TK2: variants seen among roughly 807,000 people sequenced by gnomAD.
TK2 encodes the protein thymidine kinase 2, also known as thymidine kinase 2, mitochondrial.
In TK2, 35 loss-of-function variants were observed where a neutral mutation model predicts 41.9. The observed-to-expected ratio is 0.84, with a 90% CI of 0.64 to 1.11. The LOEUF (loss-of-function observed/expected upper bound fraction) is 1.11. Ranked by LOEUF, TK2 falls within the 50% of genes least tolerant of loss-of-function variation. The pLI is 0.00. For synonymous variants in TK2, 128 were observed against 129.1 expected (o/e 0.99, Z 0.06); for missense variants, 320 against 351.1 (o/e 0.91, Z 0.71).
At chr16:66,549,800 C>A (rs757502583) in intron 1 of TK2, 138 bp downstream of exon 1, 14 of 1,287,234 alleles carry the variant, frequency 1.1e-5, no homozygotes, top group South Asian at 2.7e-5. Context: ...TGGCCGCCCC[C>A]GTCCCAGCCG....
intron 2 of TK2, 84 bp from the exon 3 acceptor site, chr16:66,542,037 T>G: frequency 4.2e-6 from 6 of 1,431,208 alleles, no homozygotes; most frequent in Admixed American, 1.7e-5. Context: ...AAAGGGCTCA[T>G]GTAACCAGCA....
chr16:66,521,325 C>T (rs1402171585), intron 6 of TK2, among the ~76,000 whole-genome samples: 1 of 152,214 alleles, frequency 6.6e-6, no homozygotes, highest in Non-Finnish European at 1.5e-5. Flanking sequence ...CCACAGCTCC[C>T]CTGGGAATCG....
intron 6 of TK2, among the ~76,000 whole-genome samples, chr16:66,522,788 C>T (rs965430343): frequency 2.6e-5 from 4 of 152,070 alleles, no homozygotes; most frequent in Non-Finnish European, 4.4e-5. Flanking sequence ...CGCTTGAACC[C>T]GGGAGGTGGA....
chr16:66,546,157 G>C (rs1480632625), intron 2 of TK2, among the ~76,000 whole-genome samples: 6 of 152,146 alleles, frequency 3.9e-5, no homozygotes, highest in Non-Finnish European at 7.3e-5. Context: ...CTGAGACCAG[G>C]AAGTCAAGGC....
intron 6 of TK2, among the ~76,000 whole-genome samples, chr16:66,519,569 G>T (rs1416575812): frequency 1.3e-5 from 2 of 152,198 alleles, no homozygotes; most frequent in African/African-American, 4.8e-5. Flanking sequence ...GAGAAATCTG[G>T]CATCTATTCC....
chr16:66,544,605 C>A (rs1965549632), intron 2 of TK2, among the ~76,000 whole-genome samples: 3 of 152,202 alleles, frequency 2.0e-5, no homozygotes, highest in Admixed American at 2.0e-4. Context: ...GCTGTGGGAG[C>A]ACATGGCCGG....
chr16:66,522,617 A>G (rs974117133), intron 6 of TK2, among the ~76,000 whole-genome samples: 4 of 152,228 alleles, frequency 2.6e-5, no homozygotes, highest in Non-Finnish European at 5.9e-5. Flanking sequence ...CTGTAATCCC[A>G]GCACTTTGGC....
intron 2 of TK2, among the ~76,000 whole-genome samples, chr16:66,546,162 C>G (rs1222905011): frequency 6.6e-6 from 1 of 152,038 alleles, no homozygotes; most frequent in Non-Finnish European, 1.5e-5. Flanking sequence ...ACCAGGAAGT[C>G]AAGGCTGCAG....
At chr16:66,513,837 T>C in intron 8 of TK2, 26 bp from the exon 9 acceptor site, 1 of 1,610,570 alleles carries the variant, frequency 6.2e-7, no homozygotes, top group Non-Finnish European at 8.5e-7. Flanking sequence ...AAGCAGTCTG[T>C]CGGGAGTGGA....
intron 1 of TK2, 59 bp from the exon 2 acceptor site, chr16:66,549,068 A>C (rs760189008): frequency 2.5e-6 from 4 of 1,608,306 alleles, no homozygotes; most frequent in Middle Eastern, 1.7e-4. Flanking sequence ...CCTCTGCCCT[A>C]ATTTGCTACA....
At chr16:66,521,142 G>A (rs769124123) in intron 6 of TK2, among the ~76,000 whole-genome samples, 22 of 152,214 alleles carry the variant, frequency 1.4e-4, no homozygotes, top group Non-Finnish European at 2.8e-4. Flanking sequence ...CCACAGATAT[G>A]ATCATGGAAC....
chr16:66,523,531 TA>T (rs1387203021), intron 6 of TK2, among the ~76,000 whole-genome samples: 1 of 152,190 alleles, frequency 6.6e-6, no homozygotes, highest in Non-Finnish European at 1.5e-5. Flanking sequence ...CCGAAACCTC[TA>T]AAAACATCTA....
Position 66,517,193 on chromosome 16 carries a change from C to T in TK2, c.561G>A (p.Glu187=), listed in dbSNP as rs781460567. ...TCTTCTTTAACCTCTGGTAACAAGTCTCAGGATTGGTCCGAAGGTAAACTG... is the reference window on the plus strand; with the variant it reads ...TCTTCTTTAACCTCTGGTAACAAGTTTCAGGATTGGTCCGAAGGTAAACTG... The part of the protein sequence containing the change: ...DLIVYLRTNP[E]TCYQRLKKRC... Residue 187 remains glutamate, a synonymous_variant, in exon 8 of 10, where the codon GAG becomes GAA. Coordinates refer to ENST00000544898, the MANE Select transcript of TK2 (RefSeq NM_004614.5). This position sits in a 1 kb window ranked among gnomAD's most constrained non-coding sequence, Gnocchi z 4.3. 1 of 1,614,168 alleles carries T rather than the reference C, an allele frequency of 6.2e-7. No homozygotes were observed. The highest frequency in any genetic ancestry group is 2.2e-5 in the East Asian group (1 of 44,882).
intron 6 of TK2, among the ~76,000 whole-genome samples, chr16:66,523,659 T>C (rs1009205936): frequency 1.3e-5 from 2 of 151,974 alleles, no homozygotes; most frequent in African/African-American, 4.8e-5. Context: ...TAAAACCCTG[T>C]CTCTACTAAA....
intron 4 of TK2, among the ~76,000 whole-genome samples, chr16:66,535,339 C>T (rs1254520737): frequency 2.0e-5 from 3 of 152,154 alleles, no homozygotes; most frequent in African/African-American, 7.2e-5. Flanking sequence ...GATTCTGTCC[C>T]GTGAAACGTC....
At chr16:66,534,072 T>A (rs1965205529) in intron 4 of TK2, among the ~76,000 whole-genome samples, 1 of 151,352 alleles carries the variant, frequency 6.6e-6, no homozygotes, top group Non-Finnish European at 1.5e-5. Flanking sequence ...ATTAATCTAT[T>A]CACGGATTAA....
At chr16:66,546,736 G>A (rs1965619722) in intron 2 of TK2, 1 of 149,136 alleles carries the variant, frequency 6.7e-6, no homozygotes, top group Admixed American at 6.7e-5. Context: ...ACAATTTATT[G>A]AACTCCCTAC....
intron 5 of TK2, 125 bp downstream of exon 5, chr16:66,531,255 G>C: frequency 1.1e-6 from 1 of 926,626 alleles, no homozygotes; most frequent in African/African-American, 1.6e-5. Flanking sequence ...GCCCCACACA[G>C]AGAGGCCTGC....
intron 2 of TK2, 79 bp from the exon 3 acceptor site, chr16:66,542,032 G>T: frequency 1.4e-6 from 2 of 1,468,630 alleles, no homozygotes; most frequent in Non-Finnish European, 9.5e-7. Context: ...TACGGAAAGG[G>T]CTCATGTAAC....
Sources: gnomAD v4.1 joint callset for allele counts (sites outside exome capture counted in the v4.1 genomes callset) on GRCh38, gnomAD v4.1.1 for gene constraint, Gnocchi (gnomAD v3.1) non-coding constraint, MANE v1.5 for transcripts, NCBI Gene and HGNC (gene_info 2026-07-23, HGNC 2026-07-21) for gene names.